Variants in RBM26 observed in about 807,000 individuals in gnomAD.
The protein encoded by RBM26 is RNA binding motif protein 26.
A neutral mutation model predicts 123.6 loss-of-function variants in RBM26; 30 were observed. The observed-to-expected ratio is 0.24, with a 90% CI of 0.18 to 0.33. RBM26 has a LOEUF of 0.33. RBM26 is among the 10% of genes least tolerant of loss of function. RBM26 has a pLI of 1.00. For synonymous variants in RBM26, 400 were observed against 404.4 expected, an observed-to-expected ratio of 0.99 and a Z score of 0.13; for missense variants, 947 against 1,203.6, an observed-to-expected ratio of 0.79 and a Z score of 3.15.
intron 1 of RBM26, among the ~76,000 whole-genome samples, chr13:79,384,772 G>A (rs950906724): frequency 6.6e-6 from 1 of 152,052 alleles, no homozygotes; most frequent in Non-Finnish European, 1.5e-5. Flanking sequence ...TTCTTAACAA[G>A]AAACAAATCA....
chr13:79,392,954 A>T (rs2078229698), intron 1 of RBM26, among the ~76,000 whole-genome samples: 1 of 152,220 alleles, frequency 6.6e-6, no homozygotes, highest in South Asian at 2.1e-4. Context: ...CGAAACTTTA[A>T]ATCATCTTTT....
chr13:79,365,537 A>G (rs1012810591), intron 9 of RBM26, 41 bp downstream of exon 9: 7 of 1,525,642 alleles, frequency 4.6e-6, no homozygotes, highest in Middle Eastern at 1.7e-4. Flanking sequence ...CCCACTGTTT[A>G]TATTATGAAA....
At chr13:79,342,568 C>A (rs1217137626) in intron 17 of RBM26, 96 bp downstream of exon 17, 15 of 973,296 alleles carry the variant, frequency 1.5e-5, no homozygotes, top group Middle Eastern at 2.8e-4. Context: ...AGATTTTGAA[C>A]AGAAGATATT....
chr13:79,333,414 A>T (rs909550654), intron 20 of RBM26, among the ~76,000 whole-genome samples: 6 of 152,210 alleles, frequency 3.9e-5, no homozygotes, highest in African/African-American at 1.4e-4. Flanking sequence ...CCCCAAGGGC[A>T]ACTTCTACCA....
At chr13:79,352,312 A>T (rs894224655) in intron 14 of RBM26, among the ~76,000 whole-genome samples, 1 of 152,198 alleles carries the variant, frequency 6.6e-6, no homozygotes, top group African/African-American at 2.4e-5. Context: ...GTTCTGGCTC[A>T]GTGACTCACA....
At chr13:79,383,114 G>A (rs148036718) in intron 1 of RBM26, among the ~76,000 whole-genome samples, 89 of 2,708 alleles carry the variant, frequency 0.033, no homozygotes, top group African/African-American at 0.12. Flanking sequence ...ATAATCAGAG[G>A]CCTCCCAAAG....
At chr13:79,372,672 T>A (rs895494772) in intron 3 of RBM26, among the ~76,000 whole-genome samples, 1 of 145,712 alleles carries the variant, frequency 6.9e-6, no homozygotes, top group South Asian at 2.1e-4. Flanking sequence ...CATAAATACA[T>A]ACACACACAC....
At chr13:79,399,798 T>C (rs2078906745) in intron 1 of RBM26, among the ~76,000 whole-genome samples, 1 of 152,118 alleles carries the variant, frequency 6.6e-6, no homozygotes, top group Admixed American at 6.5e-5. Flanking sequence ...ACCTCATGAC[T>C]AAGTGAATGG....
In RBM26 at chr13:79,357,293, C is replaced by T. The variant is rs547591379; in HGVS notation, c.1689+981G>A. 4.6e-5 allele frequency among the ~76,000 whole-genome samples: 7 copies of T among 152,156 alleles called. No individual in the cohort carries two copies. In the East Asian group the frequency reaches 1.4e-3, roughly 29 times the overall value. On this transcript the variant is annotated intron_variant, in intron 11 of 21. Transcript: ENST00000438737. ...GGCAAGAAAACAAAACTTTCCAAAACATCCTAAGTTGTTAGGATGAATTGT... is the reference window on the plus strand; with the variant it reads ...GGCAAGAAAACAAAACTTTCCAAAATATCCTAAGTTGTTAGGATGAATTGT...
chr13:79,389,345 C>T (rs7332786), intron 1 of RBM26, among the ~76,000 whole-genome samples: 139 of 152,166 alleles, frequency 9.1e-4, no homozygotes, highest in African/African-American at 3.2e-3. Context: ...AAAATAACTT[C>T]TACTAATGAG....
chr13:79,374,352 C>T (rs1028334693), intron 3 of RBM26, among the ~76,000 whole-genome samples: 4 of 151,810 alleles, frequency 2.6e-5, no homozygotes, highest in South Asian at 2.1e-4. Context: ...GCCTGTAATC[C>T]CAAAAGGGGA....
At chr13:79,341,796 G>A (rs1180749174) in intron 17 of RBM26, among the ~76,000 whole-genome samples, 2 of 151,630 alleles carry the variant, frequency 1.3e-5, no homozygotes, top group East Asian at 1.9e-4. Context: ...GCAAGAATTG[G>A]GGCCAGGGAG....
At chr13:79,393,045 A>C (rs2078239653) in intron 1 of RBM26, among the ~76,000 whole-genome samples, 1 of 152,196 alleles carries the variant, frequency 6.6e-6, no homozygotes, top group African/African-American at 2.4e-5. Flanking sequence ...CCACTCATCA[A>C]CACTTACTAA....
Position 79,375,972 on chromosome 13 carries a change from T to G in RBM26, c.327+1407A>C, listed in dbSNP as rs927341518. Reference sequence around the variant, plus strand: ...AGTAAAATAATGTATATAAAGCACTTGATTGGTGCTTTATATACATTATTT... The same window carrying G: ...AGTAAAATAATGTATATAAAGCACTGGATTGGTGCTTTATATACATTATTT... On this transcript the variant is annotated intron_variant, in intron 3 of 21. Transcript: ENST00000438737. Among the ~76,000 whole-genome samples, 4 of 151,782 alleles carry G rather than the reference T, an allele frequency of 2.6e-5. No homozygotes were observed. In the South Asian group the frequency reaches 6.2e-4, roughly 24 times the overall value.
chr13:79,345,717 G>GT, intron 14 of RBM26, among the ~76,000 whole-genome samples: 1 of 152,212 alleles, frequency 6.6e-6, no homozygotes, highest in East Asian at 1.9e-4. Flanking sequence ...GATTTTGCTT[G>GT]TTTTTTAACT....
intron 3 of RBM26, among the ~76,000 whole-genome samples, chr13:79,375,378 C>T (rs2076592253): frequency 6.6e-6 from 1 of 151,574 alleles, no homozygotes; most frequent in Non-Finnish European, 1.5e-5. Context: ...ACCATATTGG[C>T]CAAGCTGGTC....
Position 79,334,440 on chromosome 13 carries a change from A to T in RBM26, c.2734-10T>A, listed in dbSNP as rs769580004. 7.3e-6 allele frequency: 9 copies of T among 1,237,060 alleles called. No individual in the cohort carries two copies. The highest frequency in any genetic ancestry group is 1.5e-5 in the African/African-American group (1 of 64,628). The allele number at this position is 1,237,060 out of a possible 1,614,324, so 76.6% of individuals were successfully genotyped here. A position where few individuals can be genotyped will look rare whatever the true frequency, so the allele number is the denominator to read the frequency against. The stretch of plus-strand genomic sequence containing the variant: ...CAATTTCACCATATTGCTTTAAATT[A>T]AAAAAAAAGTATTTCCTCCAAATAA... On this transcript the variant is annotated splice_polypyrimidine_tract_variant and intron_variant, in intron 19 of 21. Transcript: ENST00000438737.
At position 79,368,773 on chromosome 13, in the gene RBM26, G is replaced by A. The variant is rs138139077; in HGVS notation, c.852C>T (p.Tyr284=). The change falls in exon 6 of 22, where the codon TAC becomes TAT. Residue 284 remains tyrosine (Y), a synonymous_variant. Transcript: ENST00000438737. ...FHEDQVDHNS[Y]VRPPMPKKRC... ...GTTTCTTTGGCATGGGTGGTCTTAC[G>A]TAAGAGTTATGGTCCACTTGGTCTT... 3.2e-4 allele frequency: 518 copies of A among 1,613,810 alleles called. 2 individuals carry two copies. The highest frequency in any genetic ancestry group is 3.8e-4 in the Non-Finnish European group (452 of 1,179,868).
At chr13:79,360,037 C>T (rs1039898368) in intron 9 of RBM26, among the ~76,000 whole-genome samples, 7 of 152,044 alleles carry the variant, frequency 4.6e-5, no homozygotes, top group African/African-American at 7.2e-5. Flanking sequence ...ATTTTATCAT[C>T]CCCTATCATC....
Sources: allele counts gnomAD v4.1 joint callset (sites outside exome capture counted in the v4.1 genomes callset), GRCh38; gene constraint gnomAD v4.1.1; transcripts MANE v1.5; gene names NCBI Gene and HGNC (gene_info 2026-07-23, HGNC 2026-07-21).